The following NRCAM variants were observed in gnomAD, a reference collection of about 807,000 sequenced individuals.
NRCAM encodes the protein NgCAM-related cell adhesion molecule.
In NRCAM, 83 loss-of-function variants were observed where a neutral mutation model predicts 156.5. The ratio of observed to expected loss-of-function variants is 0.53; its 90% confidence interval spans 0.44 to 0.64. NRCAM has a LOEUF of 0.64. NRCAM is among the 30% of genes least tolerant of loss of function. The probability of loss-of-function intolerance (pLI) is 0.00; values close to 1 mark genes in which losing one functional copy is unlikely to be tolerated. For synonymous variants in NRCAM, 538 were observed against 563.9 expected, an observed-to-expected ratio of 0.95 and a Z score of 0.65; for missense variants, 1,417 against 1,597.3, an observed-to-expected ratio of 0.89 and a Z score of 1.92.
chr7:108,283,122 G>A (rs1185475125), intron 3 of NRCAM, among the ~76,000 whole-genome samples: 1 of 152,226 alleles, frequency 6.6e-6, no homozygotes, highest in East Asian at 1.9e-4. Flanking sequence ...AGAATGTTGT[G>A]AGAAAGTCAG....
At chr7:108,426,462 C>A (rs1817408761) in intron 1 of NRCAM, among the ~76,000 whole-genome samples, 1 of 152,150 alleles carries the variant, frequency 6.6e-6, no homozygotes, top group African/African-American at 2.4e-5. Flanking sequence ...TAGGGAAATC[C>A]ATTTTACTCT....
intron 2 of NRCAM, among the ~76,000 whole-genome samples, chr7:108,388,298 C>T (rs888918766): frequency 4.6e-5 from 7 of 151,996 alleles, no homozygotes; most frequent in Non-Finnish European, 7.4e-5. Context: ...TTTGCATTTC[C>T]CTGATGGCCA....
At chr7:108,336,387 G>C (rs2154259371) in intron 2 of NRCAM, among the ~76,000 whole-genome samples, 1 of 152,286 alleles carries the variant, frequency 6.6e-6, no homozygotes, top group African/African-American at 2.4e-5. Flanking sequence ...TTTTTTAAAA[G>C]AATGAAAACC....
At chr7:108,209,808 G>A in intron 11 of NRCAM, among the ~76,000 whole-genome samples, 1 of 152,058 alleles carries the variant, frequency 6.6e-6, no homozygotes, top group South Asian at 2.1e-4. Flanking sequence ...CTAATTGATG[G>A]CACACCATAA....
At chr7:108,367,557 G>T (rs1387806937) in intron 2 of NRCAM, among the ~76,000 whole-genome samples, 2 of 152,118 alleles carry the variant, frequency 1.3e-5, no homozygotes, top group Non-Finnish European at 2.9e-5. Flanking sequence ...GGAGTTTGGG[G>T]CAGCTATTTT....
intron 2 of NRCAM, among the ~76,000 whole-genome samples, chr7:108,389,992 A>G (rs1216646852): frequency 3.3e-5 from 5 of 152,150 alleles, no homozygotes; most frequent in Admixed American, 2.6e-4. Context: ...ACCGACATTC[A>G]TCGGGGATAT....
chr7:108,299,327 AAAG>A (rs1263017292), intron 3 of NRCAM, among the ~76,000 whole-genome samples: 1 of 151,786 alleles, frequency 6.6e-6, no homozygotes, highest in Non-Finnish European at 1.5e-5. Flanking sequence ...CAGCTCTAGG[AAAG>A]AAGAGGTGGC....
At chr7:108,267,510 G>A (rs1282646330) in intron 3 of NRCAM, among the ~76,000 whole-genome samples, 5 of 152,124 alleles carry the variant, frequency 3.3e-5, no homozygotes, top group Admixed American at 2.6e-4. Context: ...ACACGTGTCC[G>A]TATAAAGGTA....
At chr7:108,184,713 C>T in intron 20 of NRCAM, 99 bp from the exon 21 acceptor site, 4 of 888,012 alleles carry the variant, frequency 4.5e-6, no homozygotes, top group Non-Finnish European at 6.7e-6. Context: ...ACACAAGCAA[C>T]CAAACATGAA....
chr7:108,222,107 A>C (rs1037656857), intron 11 of NRCAM, among the ~76,000 whole-genome samples: 5 of 152,224 alleles, frequency 3.3e-5, no homozygotes, highest in African/African-American at 1.2e-4. Context: ...ATCTATATAC[A>C]TGTGGAATCT....
chr7:108,175,351 A>C lies in NRCAM; in HGVS notation c.3158T>G (p.Ile1053Ser). 6.4e-7 allele frequency: 1 copy of C among 1,562,810 alleles called. No homozygotes were observed. The highest frequency in any genetic ancestry group is 8.7e-7 in the Non-Finnish European group (1 of 1,152,342). The change falls in exon 28 of 33, where the codon ATT (isoleucine) becomes AGT (serine). Residue 1053 changes from isoleucine to serine, a missense_variant. Ile to Ser is a moderately radical substitution (Grantham distance 142, BLOSUM62 -2). This residue lies in a region of NRCAM where 1,238 missense variants were observed against 1,336.4 expected (regional missense o/e 0.93). Coordinates refer to ENST00000379028, the MANE Select transcript of NRCAM (RefSeq NM_001037132.4). ...EAVTTVDEAGILPPDVGAGKV... is the reference protein window; with the variant it reads ...EAVTTVDEAGSLPPDVGAGKV... ...GCCTGCACCTACATCAGGTGGAAGAATACCAGCTTTAATGAAGGGAAACAG... is the reference window on the plus strand; with the variant it reads ...GCCTGCACCTACATCAGGTGGAAGACTACCAGCTTTAATGAAGGGAAACAG...
intron 17 of NRCAM, 78 bp from the exon 18 acceptor site, chr7:108,191,931 A>C (rs1008229946): frequency 2.0e-6 from 3 of 1,499,936 alleles, no homozygotes; most frequent in African/African-American, 2.8e-5. Flanking sequence ...GCAGGAAAAA[A>C]ACTGTAAATT....
chr7:108,260,769 G>A (rs1403171908), intron 3 of NRCAM, among the ~76,000 whole-genome samples: 3 of 152,152 alleles, frequency 2.0e-5, no homozygotes, highest in Admixed American at 6.5e-5. Flanking sequence ...TGGGGAGGCC[G>A]AGGCTCTGGA....
chr7:108,414,288 G>A (rs1327657388), intron 1 of NRCAM, among the ~76,000 whole-genome samples: 2 of 152,186 alleles, frequency 1.3e-5, no homozygotes, highest in South Asian at 2.1e-4. Context: ...GCAACCAGCT[G>A]TATTTCCTTG....
intron 12 of NRCAM, among the ~76,000 whole-genome samples, chr7:108,208,141 A>C (rs1588268020): frequency 6.5e-4 from 2 of 3,082 alleles, no homozygotes. Context: ...TAAAAATACA[A>C]AAAAAAAAAA....
intron 1 of NRCAM, among the ~76,000 whole-genome samples, chr7:108,403,933 C>T (rs1040378592): frequency 1.3e-5 from 2 of 152,166 alleles, no homozygotes; most frequent in African/African-American, 2.4e-5. Flanking sequence ...GTCAGCCTCA[C>T]GGGATCTCTC....
chr7:108,235,843 T>C (rs141053376), intron 5 of NRCAM, among the ~76,000 whole-genome samples: 87 of 152,264 alleles, frequency 5.7e-4, no homozygotes, highest in African/African-American at 2.0e-3. Flanking sequence ...TCCATAGTGC[T>C]GAGGCTGAAA....
chr7:108,397,723 C>T (rs188669587), intron 2 of NRCAM, among the ~76,000 whole-genome samples: 3 of 152,292 alleles, frequency 2.0e-5, no homozygotes, highest in African/African-American at 4.8e-5. Flanking sequence ...AAGCTCCTTT[C>T]GTAAATAATT....
intron 31 of NRCAM, 23 bp downstream of exon 31, chr7:108,160,338 C>T (rs773410198): frequency 6.2e-7 from 1 of 1,603,298 alleles, no homozygotes; most frequent in African/African-American, 1.3e-5. Context: ...CATTATAAAG[C>T]AATTTTAATC....
Sources: gnomAD v4.1 joint callset for allele counts (sites outside exome capture counted in the v4.1 genomes callset) on GRCh38, gnomAD v4.1.1 for gene constraint, gnomAD v4.1.1 regional missense constraint, MANE v1.5 for transcripts, NCBI Gene and HGNC (gene_info 2026-07-23, HGNC 2026-07-21) for gene names.